TMEM184C: variants seen among roughly 807,000 people sequenced by gnomAD.
TMEM184C encodes transmembrane protein 184C.
Under a neutral mutation model 54.5 loss-of-function variants are expected in TMEM184C, and 25 were observed. The ratio of observed to expected loss-of-function variants is 0.46; its 90% CI spans 0.33 to 0.64. The LOEUF (loss-of-function observed/expected upper bound fraction) is 0.64, where lower values mean the gene tolerates loss of function less well. Ranked by LOEUF, TMEM184C falls within the 30% of genes least tolerant of loss-of-function variation. TMEM184C has a pLI of 0.02. For synonymous variants in TMEM184C, 148 were observed against 181.5 expected (o/e 0.82, Z 1.49); for missense variants, 335 against 520.3 (o/e 0.64, Z 3.46).
intron 3 of TMEM184C, among the ~76,000 whole-genome samples, chr4:147,624,462 G>A (rs1008978682): frequency 1.3e-4 from 20 of 152,078 alleles, no homozygotes; most frequent in African/African-American, 4.8e-4. Flanking sequence ...CTTCTAATAT[G>A]AGTAAATATT....
At chr4:147,618,100 C>T (rs1314650344) in intron 1 of TMEM184C, 21 bp downstream of exon 1, 2 of 1,613,718 alleles carry the variant, frequency 1.2e-6, no homozygotes, top group African/African-American at 2.7e-5. Flanking sequence ...TCTGCACCAT[C>T]AGCCTGTACA....
intron 4 of TMEM184C, among the ~76,000 whole-genome samples, chr4:147,625,588 A>G (rs1732800121): frequency 6.6e-6 from 1 of 152,252 alleles, no homozygotes; most frequent in African/African-American, 2.4e-5. Flanking sequence ...TAATTTTGCA[A>G]TATCATAAAG....
At position 147,624,913 on chromosome 4, in the gene TMEM184C, CT is replaced by C; in HGVS notation, c.402del (p.Asn135ThrfsTer8). On this transcript the variant is annotated frameshift_variant, in exon 4 of 10. Coordinates refer to ENST00000296582, the MANE Select transcript of TMEM184C (RefSeq NM_018241.3). LOFTEE classifies it high-confidence loss of function. ...ATGGGATTCCTTACCAATTATCTAA[CT>C]AACCGGTATCCAAATCTGGTATTAA... The part of the protein sequence containing the change: ...NFMGFLTNYL[T>X]NRYPNLVLIL... 1 of 1,613,900 alleles carries C rather than the reference CT, an allele frequency of 6.2e-7. No individual in the cohort carries two copies. The highest frequency in any genetic ancestry group is 8.5e-7 in the Non-Finnish European group (1 of 1,179,854).
At chr4:147,620,859 G>A (rs1732695286) in intron 1 of TMEM184C, among the ~76,000 whole-genome samples, 1 of 152,202 alleles carries the variant, frequency 6.6e-6, no homozygotes. Flanking sequence ...CAATAGGCAT[G>A]TCAGATATGC....
rs1244063374 is a variant in TMEM184C at position 147,634,893 on chromosome 4, A to AT, written c.*471dup. Reference sequence around the variant, plus strand: ...AGGCACCTGCCACCATGCCCAGCTAATTTTTTTTTTTTCAGTAGAGACAGG... The same window carrying AT: ...AGGCACCTGCCACCATGCCCAGCTAATTTTTTTTTTTTTCAGTAGAGACAGG... On this transcript the variant is annotated 3_prime_UTR_variant, in exon 10 of 10. Coordinates refer to ENST00000296582, the MANE Select transcript of TMEM184C (RefSeq NM_018241.3). 2.6e-3 allele frequency: 385 copies of AT among 148,628 alleles called. 2 individuals carry two copies. Among genetic ancestry groups the AT allele is most frequent in the Admixed American group, 3.4e-3 (51 of 14,948 alleles). The allele number at this position is 148,628 out of a possible 1,614,324, so 9.2% of individuals were successfully genotyped here.
chr4:147,629,373 TAG>T (rs1732869784), intron 5 of TMEM184C, among the ~76,000 whole-genome samples: 1 of 152,014 alleles, frequency 6.6e-6, no homozygotes, highest in African/African-American at 2.4e-5. Flanking sequence ...GTAATATTTC[TAG>T]AAAAAAATGG....
chr4:147,626,370 C>T (rs1335138496), intron 4 of TMEM184C, among the ~76,000 whole-genome samples: 1 of 152,184 alleles, frequency 6.6e-6, no homozygotes, highest in Non-Finnish European at 1.5e-5. Context: ...GGAGGTTAGA[C>T]ACAAGATGGA....
chr4:147,624,195 G>C, intron 3 of TMEM184C, 97 bp downstream of exon 3: 1 of 1,048,882 alleles, frequency 9.5e-7, no homozygotes, highest in Non-Finnish European at 1.4e-6. Context: ...TTATTGACAA[G>C]GAGTCAGATT....
chr4:147,621,172 T>A (rs1362480046), intron 1 of TMEM184C, among the ~76,000 whole-genome samples: 2 of 148,312 alleles, frequency 1.3e-5, no homozygotes, highest in Admixed American at 6.7e-5. Flanking sequence ...CTCAGCACAC[T>A]TTTTTTTTTA....
rs777327693 is a variant in TMEM184C, at chr4:147,623,903, T to C, written c.193T>C (p.Trp65Arg). 2.5e-6 allele frequency: 4 copies of C among 1,611,298 alleles called. No individual in the cohort carries two copies. In the South Asian group the frequency reaches 3.3e-5, roughly 13 times the overall value. Residue 65 changes from tryptophan to arginine, a missense_variant, in exon 2 of 10, where the codon TGG (tryptophan) becomes CGG (arginine). Transcript: ENST00000296582. ...FLLLTIPISL[W>R]VILQHLVHYT... ...GCTGTTGACTATTCCTATATCACTG[T>C]GGGTGATATTGCAACACTTAGTGCA...
intron 5 of TMEM184C, among the ~76,000 whole-genome samples, chr4:147,628,684 GA>G (rs575247804): frequency 1.3e-5 from 2 of 150,004 alleles, no homozygotes; most frequent in East Asian, 1.9e-4. Flanking sequence ...AAAGCACTTT[GA>G]AAAAAAAATA....
Position 147,629,620 on chromosome 4 carries a change from A to G in TMEM184C, c.594A>G (p.Ile198Met), listed in dbSNP as rs1453134518. The G allele has an allele frequency of 7.5e-6, 12 of 1,595,212 alleles. No homozygotes were observed. The highest frequency in any genetic ancestry group is 1.0e-5 in the Non-Finnish European group (12 of 1,172,442). ...TTAGAATCTGTGAGCTGCTTGGTAT[A>G]TATGACGAAGGGAACTTTAGCTTTT... ...IVALICELLG[I>M]YDEGNFSFSN... Residue 198 changes from isoleucine to methionine, a missense_variant, in exon 6 of 10, where the codon ATA becomes ATG. Physicochemically the swap from Ile to Met is conservative, Grantham distance 10. Transcript: ENST00000296582.
chr4:147,627,186 C>T (rs1471323672), intron 4 of TMEM184C, among the ~76,000 whole-genome samples: 2 of 152,152 alleles, frequency 1.3e-5, no homozygotes, highest in Admixed American at 6.5e-5. Context: ...TGAAAAGAGG[C>T]ATCAGAGGCT....
intron 1 of TMEM184C, among the ~76,000 whole-genome samples, chr4:147,622,445 CTTG>C (rs1732727924): frequency 6.6e-6 from 1 of 151,978 alleles, no homozygotes; most frequent in Admixed American, 6.6e-5. Flanking sequence ...GTTCTATTTT[CTTG>C]TTAACCACTT....
chr4:147,632,756 A>G (rs781250650), intron 7 of TMEM184C, 147 bp from the exon 8 acceptor site: 1 of 556,524 alleles, frequency 1.8e-6, no homozygotes, highest in East Asian at 2.9e-5. Flanking sequence ...TATATTTAAC[A>G]TAGAGTTTCT....
At chr4:147,625,314 T>C (rs914454190) in intron 4 of TMEM184C, among the ~76,000 whole-genome samples, 8 of 152,234 alleles carry the variant, frequency 5.3e-5, no homozygotes, top group African/African-American at 1.7e-4. Flanking sequence ...GCAGATCTTA[T>C]GTAAGAACAC....
rs1732976335 is a variant in TMEM184C at position 147,634,458 on chromosome 4, C to T, written c.*24C>T. The stretch of plus-strand genomic sequence containing the variant: ...GAACAGTATGGAAAAGCAAACTGTG[C>T]AACTACTACATTATATCATTACCTG... On this transcript the variant is annotated 3_prime_UTR_variant, in exon 10 of 10. Coordinates refer to ENST00000296582, the MANE Select transcript of TMEM184C (RefSeq NM_018241.3). 2.5e-6 allele frequency: 4 copies of T among 1,607,196 alleles called. No homozygotes were observed. Among genetic ancestry groups the T allele is most frequent in the Non-Finnish European group, 3.4e-6 (4 of 1,176,368 alleles).
chr4:147,632,232 T>G (rs1732930859), intron 7 of TMEM184C, among the ~76,000 whole-genome samples: 1 of 134,590 alleles, frequency 7.4e-6, no homozygotes, highest in South Asian at 2.3e-4. Flanking sequence ...TAGAAACAAA[T>G]ACACCAAATT....
intron 3 of TMEM184C, 97 bp downstream of exon 3, chr4:147,624,195 G>A: frequency 9.5e-7 from 1 of 1,048,882 alleles, no homozygotes; most frequent in Non-Finnish European, 1.4e-6. Context: ...TTATTGACAA[G>A]GAGTCAGATT....
Sources: gnomAD v4.1 joint callset for allele counts (sites outside exome capture counted in the v4.1 genomes callset) on GRCh38, gnomAD v4.1.1 for gene constraint, MANE v1.5 for transcripts, NCBI Gene and HGNC (gene_info 2026-07-23, HGNC 2026-07-21) for gene names.